The following PPP3CA variants were observed in gnomAD, a reference collection of about 807,000 sequenced individuals.
PPP3CA encodes protein phosphatase 3 catalytic subunit alpha, also known as CAM-PRP catalytic subunit.
In PPP3CA, 14 loss-of-function variants were observed where a neutral mutation model predicts 66.5. The observed-to-expected ratio is 0.21, with a 90% confidence interval of 0.14 to 0.33. PPP3CA has a LOEUF of 0.33. PPP3CA is among the 10% of genes least tolerant of loss of function. PPP3CA has a pLI of 1.00. For synonymous variants in PPP3CA, 232 were observed against 226.2 expected (o/e 1.03, Z -0.23); for missense variants, 317 against 639.5 (o/e 0.50, Z 5.44).
chr4:101,229,140 CA>C (rs1446912791), intron 1 of PPP3CA, among the ~76,000 whole-genome samples: 9 of 151,478 alleles, frequency 5.9e-5, no homozygotes. Context: ...TACAAGAACA[CA>C]AAACATTTTT....
intron 1 of PPP3CA, among the ~76,000 whole-genome samples, chr4:101,306,839 T>C (rs920455679): frequency 6.6e-6 from 1 of 152,156 alleles, no homozygotes; most frequent in African/African-American, 2.4e-5. Flanking sequence ...TTTTGTCTGT[T>C]TGTTTAGTTG....
At chr4:101,218,047 T>G (rs1725508990) in intron 1 of PPP3CA, among the ~76,000 whole-genome samples, 1 of 152,092 alleles carries the variant, frequency 6.6e-6, no homozygotes, top group Admixed American at 6.6e-5. Flanking sequence ...TCTTCATTTT[T>G]TGGAACTTGA....
At chr4:101,327,000 A>G (rs1007892738) in intron 1 of PPP3CA, among the ~76,000 whole-genome samples, 2 of 152,222 alleles carry the variant, frequency 1.3e-5, no homozygotes, top group Non-Finnish European at 2.9e-5. Context: ...AATATACATT[A>G]TTGTGATAAT....
chr4:101,053,691 C>A (rs1167011376), intron 10 of PPP3CA, among the ~76,000 whole-genome samples: 1 of 152,044 alleles, frequency 6.6e-6, no homozygotes, highest in Admixed American at 6.6e-5. Context: ...TCATCTTTCT[C>A]CTGGAGGTGG....
At position 101,346,838 on chromosome 4, in the gene PPP3CA, G is replaced by A; in HGVS notation, c.-42C>T. 6.3e-7 allele frequency: 1 copy of A among 1,595,746 alleles called. No individual in the cohort carries two copies. The highest frequency in any genetic ancestry group is 8.5e-7 in the Non-Finnish European group (1 of 1,172,258). Reference sequence around the variant, plus strand: ...ACAGCGACGCGCTGCTCGTCCGTCCGACTGCACACCCCGACCGGACCGGCG... The same window carrying A: ...ACAGCGACGCGCTGCTCGTCCGTCCAACTGCACACCCCGACCGGACCGGCG... On this transcript the variant is annotated 5_prime_UTR_variant, in exon 1 of 14. Transcript: ENST00000394854.
chr4:101,318,293 T>G (rs1728940740), intron 1 of PPP3CA, among the ~76,000 whole-genome samples: 1 of 152,188 alleles, frequency 6.6e-6, no homozygotes, highest in Non-Finnish European at 1.5e-5. Flanking sequence ...TTAAACTGAG[T>G]TCATAGCATA....
intron 2 of PPP3CA, among the ~76,000 whole-genome samples, chr4:101,141,711 T>C (rs989985600): frequency 6.6e-6 from 1 of 152,206 alleles, no homozygotes; most frequent in South Asian, 2.1e-4. Flanking sequence ...ACAGCACTTG[T>C]TACAACCTCA....
intron 1 of PPP3CA, among the ~76,000 whole-genome samples, chr4:101,212,084 A>G (rs1725315212): frequency 1.3e-5 from 2 of 152,078 alleles, no homozygotes; most frequent in South Asian, 2.1e-4. Flanking sequence ...TTTAACTTAT[A>G]TATTCTTAAT....
intron 1 of PPP3CA, among the ~76,000 whole-genome samples, chr4:101,279,023 A>C (rs1346756652): frequency 6.6e-6 from 1 of 152,224 alleles, no homozygotes; most frequent in Non-Finnish European, 1.5e-5. Flanking sequence ...ATGTAATTAA[A>C]ATGTCTTGCA....
intron 2 of PPP3CA, among the ~76,000 whole-genome samples, chr4:101,167,798 A>T (rs903467391): frequency 9.2e-5 from 14 of 152,176 alleles, no homozygotes; most frequent in African/African-American, 3.4e-4. Context: ...AAGGACACAA[A>T]CTACAGAACA....
At chr4:101,046,032 G>A (rs1727749401) in intron 10 of PPP3CA, among the ~76,000 whole-genome samples, 1 of 152,156 alleles carries the variant, frequency 6.6e-6, no homozygotes, top group African/African-American at 2.4e-5. Context: ...TTTGGGGAGA[G>A]AAGTCTCTAT....
At chr4:101,332,899 C>T (rs977854096) in intron 1 of PPP3CA, among the ~76,000 whole-genome samples, 1 of 152,166 alleles carries the variant, frequency 6.6e-6, no homozygotes, top group Admixed American at 6.5e-5. Flanking sequence ...GTCTCCCCAT[C>T]ACTGGAAGTA....
chr4:101,152,879 G>C (rs936109545), intron 2 of PPP3CA, among the ~76,000 whole-genome samples: 5 of 151,942 alleles, frequency 3.3e-5, no homozygotes, highest in Non-Finnish European at 7.4e-5. Flanking sequence ...AAAAAGAAAA[G>C]GAAAAAAAAC....
At chr4:101,255,510 T>C (rs954893856) in intron 1 of PPP3CA, among the ~76,000 whole-genome samples, 8 of 151,978 alleles carry the variant, frequency 5.3e-5, no homozygotes, top group Non-Finnish European at 7.4e-5. Flanking sequence ...ACAACAGAGA[T>C]AGAAATCAAA....
intron 4 of PPP3CA, among the ~76,000 whole-genome samples, chr4:101,098,907 T>G (rs1326656372): frequency 3.9e-5 from 6 of 152,270 alleles, no homozygotes; most frequent in Non-Finnish European, 7.4e-5. Context: ...GCAAGACATT[T>G]CCTAAAGCTG....
intron 2 of PPP3CA, among the ~76,000 whole-genome samples, chr4:101,159,640 G>A (rs1192139125): frequency 2.0e-5 from 3 of 152,116 alleles, no homozygotes; most frequent in Non-Finnish European, 4.4e-5. Context: ...TTTTTATTAA[G>A]TAAAACTGAT....
At chr4:101,344,067 C>A (rs1729904016) in intron 1 of PPP3CA, among the ~76,000 whole-genome samples, 1 of 152,038 alleles carries the variant, frequency 6.6e-6, no homozygotes, top group South Asian at 2.1e-4. Flanking sequence ...TTATGGAGCA[C>A]AAATACTTCC....
At chr4:101,143,501 T>C (rs566826581) in intron 2 of PPP3CA, among the ~76,000 whole-genome samples, 1 of 152,302 alleles carries the variant, frequency 6.6e-6, no homozygotes, top group Non-Finnish European at 1.5e-5. Flanking sequence ...CTAATCACTC[T>C]TGATTCACTA....
At chr4:101,245,139 C>A (rs1726437927) in intron 1 of PPP3CA, among the ~76,000 whole-genome samples, 2 of 152,070 alleles carry the variant, frequency 1.3e-5, no homozygotes, top group Non-Finnish European at 2.9e-5. Context: ...AAAAAGAAAG[C>A]AATCTGATTA....
Sources: gnomAD v4.1 joint callset for allele counts (sites outside exome capture counted in the v4.1 genomes callset) on GRCh38, gnomAD v4.1.1 for gene constraint, MANE v1.5 for transcripts, NCBI Gene and HGNC (gene_info 2026-07-23, HGNC 2026-07-21) for gene names.